The following JDP2 variants were observed in gnomAD, a reference collection of about 807,000 sequenced individuals.
JDP2 encodes progesterone receptor co-activator.
A neutral mutation model predicts 17.1 loss-of-function variants in JDP2; 9 were observed. The observed-to-expected ratio is 0.53, with a 90% CI of 0.32 to 0.92. The LOEUF (loss-of-function observed/expected upper bound fraction) is 0.92, where lower values mean the gene tolerates loss of function less well. Among genes scored for constraint, JDP2 ranks in the 40% least tolerant of loss-of-function variants. The pLI is 0.04. For synonymous variants in JDP2, 107 were observed against 95.6 expected (o/e 1.12, Z -0.69); for missense variants, 179 against 220.0 (o/e 0.81, Z 1.18).
intron 2 of JDP2, among the ~76,000 whole-genome samples, chr14:75,438,630 G>A (rs116547540): frequency 0.012 from 1,893 of 152,280 alleles, 42 homozygotes; most frequent in East Asian, 0.035. Flanking sequence ...GAAGAGTAGC[G>A]TGGCCTCCCT....
chr14:75,440,037 T>A (rs1025511725), intron 2 of JDP2, among the ~76,000 whole-genome samples: 1 of 152,200 alleles, frequency 6.6e-6, no homozygotes, highest in Non-Finnish European at 1.5e-5. Context: ...TTATTTTTTA[T>A]TTTTGGAAAA....
At chr14:75,465,427 G>T (rs1352812957) in intron 3 of JDP2, among the ~76,000 whole-genome samples, 2 of 152,104 alleles carry the variant, frequency 1.3e-5, no homozygotes, top group Non-Finnish European at 1.5e-5. Flanking sequence ...GTACTCCCAG[G>T]CTCAAGTGAT....
intron 2 of JDP2, among the ~76,000 whole-genome samples, chr14:75,441,795 C>T (rs1885364540): frequency 6.6e-6 from 1 of 152,222 alleles, no homozygotes; most frequent in African/African-American, 2.4e-5. Context: ...GACTTTTCCT[C>T]TGTAGCCCCT....
chr14:75,436,127 C>T (rs1369133974), intron 1 of JDP2, among the ~76,000 whole-genome samples: 1 of 152,208 alleles, frequency 6.6e-6, no homozygotes, highest in Non-Finnish European at 1.5e-5. Context: ...GACAGGGAAC[C>T]AAATTTCACC....
chr14:75,448,586 A>AG (rs1885714130), intron 2 of JDP2, among the ~76,000 whole-genome samples: 1 of 152,206 alleles, frequency 6.6e-6, no homozygotes, highest in Non-Finnish European at 1.5e-5. Flanking sequence ...AATCTGTGTA[A>AG]GGCAGGGGTT....
intron 2 of JDP2, among the ~76,000 whole-genome samples, chr14:75,455,962 G>A (rs866896234): frequency 6.6e-5 from 10 of 152,134 alleles, no homozygotes; most frequent in Non-Finnish European, 1.0e-4. Flanking sequence ...CTTTCTCAGC[G>A]GTTTTAGGAA....
chr14:75,454,832 G>A (rs1446661025), intron 2 of JDP2, among the ~76,000 whole-genome samples: 1 of 152,050 alleles, frequency 6.6e-6, no homozygotes, highest in Non-Finnish European at 1.5e-5. Context: ...GGAGGGCGAT[G>A]TAGTGGAAGG....
At chr14:75,436,351 G>C (rs1281394225) in intron 1 of JDP2, among the ~76,000 whole-genome samples, 1 of 152,208 alleles carries the variant, frequency 6.6e-6, no homozygotes, top group Non-Finnish European at 1.5e-5. Flanking sequence ...AGTATTGTCC[G>C]ATGGACATCA....
intron 2 of JDP2, among the ~76,000 whole-genome samples, chr14:75,438,803 C>T (rs533334374): frequency 2.0e-5 from 3 of 152,344 alleles, no homozygotes; most frequent in Admixed American, 6.5e-5. Flanking sequence ...CCCTTTTTCT[C>T]GGGGCACTGG....
Position 75,469,745 on chromosome 14 carries a change from G to A in JDP2, c.*270G>A. 2.4e-6 allele frequency: 1 copy of A among 423,806 alleles called. No individual in the cohort carries two copies. Among genetic ancestry groups the A allele is most frequent in the Non-Finnish European group, 4.3e-6 (1 of 233,616 alleles). The allele number at this position is 423,806 out of a possible 1,614,324, so 26.3% of individuals were successfully genotyped here. On this transcript the variant is annotated 3_prime_UTR_variant, in exon 4 of 4. Coordinates refer to ENST00000651602, the MANE Select transcript of JDP2 (RefSeq NM_001135048.2). ...GTCCTGCCTGGGGCCCCACTTGAAG[G>A]AGGCAGGACAGAGGCACCGAGGCCA... is the stretch of plus-strand genomic sequence containing the variant.
At chr14:75,453,036 G>T (rs1404818836) in intron 2 of JDP2, among the ~76,000 whole-genome samples, 4 of 152,166 alleles carry the variant, frequency 2.6e-5, no homozygotes, top group African/African-American at 9.7e-5. Flanking sequence ...GCTGCCGGGG[G>T]TCAGCAAGGG....
chr14:75,430,306 C>T lies in JDP2; in HGVS notation c.-24+2054C>T, dbSNP rs1019006627. Among the ~76,000 whole-genome samples the T allele has an allele frequency of 6.6e-6, 1 of 152,166 alleles. No homozygotes were observed. Among genetic ancestry groups the T allele is most frequent in the African/African-American group, 2.4e-5 (1 of 41,440 alleles). The stretch of plus-strand genomic sequence containing the variant: ...AAAGGGGCCAACGCCGACTCTAGGC[C>T]GGCCTGCTCTGTATTCATTCAGCTC... On this transcript the variant is annotated intron_variant, in intron 1 of 3. Transcript: ENST00000651602. This position sits in a 1 kb window ranked among gnomAD's most constrained non-coding sequence, Gnocchi z 4.5.
intron 2 of JDP2, among the ~76,000 whole-genome samples, chr14:75,449,022 G>T (rs967530660): frequency 6.6e-6 from 1 of 152,176 alleles, no homozygotes; most frequent in Non-Finnish European, 1.5e-5. Context: ...TGAACGGTTT[G>T]GCCCTTTCAC....
chr14:75,438,096 A>G lies in JDP2; in HGVS notation c.176A>G (p.Lys59Arg). ...CACTTCCTGGAGGTGAAACTGGGCA[A>G]GAGGCCCCAGCCCGTGAAAAGTGAG... ...PLHFLEVKLG[K>R]RPQPVKSELD... The change falls in exon 2 of 4, where the codon AAG (lysine) becomes AGG (arginine). Residue 59 changes from lysine to arginine, a missense_variant. Lys to Arg is a conservative substitution (Grantham distance 26, BLOSUM62 2). Coordinates refer to ENST00000651602, the MANE Select transcript of JDP2 (RefSeq NM_001135048.2). The G allele has an allele frequency of 6.2e-7, 1 of 1,612,656 alleles. No individual in the cohort carries two copies. The highest frequency in any genetic ancestry group is 1.1e-5 in the South Asian group (1 of 90,888).
chr14:75,456,113 C>G (rs1886092597), intron 2 of JDP2, among the ~76,000 whole-genome samples: 1 of 152,192 alleles, frequency 6.6e-6, no homozygotes, highest in Non-Finnish European at 1.5e-5. Flanking sequence ...GAAACCTTCT[C>G]AAACTCCCTT....
intron 2 of JDP2, among the ~76,000 whole-genome samples, chr14:75,454,634 G>T (rs1886018458): frequency 6.6e-6 from 1 of 152,148 alleles, no homozygotes; most frequent in Non-Finnish European, 1.5e-5. Flanking sequence ...ATGTGAAAAA[G>T]ATAAGTGCTG....
At chr14:75,467,752 A>T (rs903272892) in intron 3 of JDP2, among the ~76,000 whole-genome samples, 14 of 151,982 alleles carry the variant, frequency 9.2e-5, no homozygotes, top group Admixed American at 9.2e-4. Flanking sequence ...GCCCTCCGAG[A>T]TGCGCCTCTC....
In JDP2 at chr14:75,470,225, A is replaced by AAT. The variant is rs1197945800; in HGVS notation, c.*759_*760dup. On this transcript the variant is annotated 3_prime_UTR_variant, in exon 4 of 4. Coordinates refer to ENST00000651602, the MANE Select transcript of JDP2 (RefSeq NM_001135048.2). ...ACAAAAAAAAAGATTTTATACAAGC[A>AAT]ATATATATATGGATTTCTATAATCA... 6.6e-6 allele frequency: 1 copy of AAT among 151,026 alleles called. No homozygotes were observed. Among genetic ancestry groups the AAT allele is most frequent in the African/African-American group, 2.4e-5 (1 of 40,968 alleles). 9.4% of individuals were successfully genotyped at this position (151,026 alleles called of 1,614,324 possible). A position where few individuals can be genotyped will look rare whatever the true frequency, so the allele number is the denominator to read the frequency against.
At chr14:75,432,959 T>C (rs1342403661) in intron 1 of JDP2, among the ~76,000 whole-genome samples, 1 of 151,738 alleles carries the variant, frequency 6.6e-6, no homozygotes, top group East Asian at 1.9e-4. Context: ...CCCAGCACTT[T>C]GGGAGGCTGA....
Sources: gnomAD v4.1 joint callset for allele counts (sites outside exome capture counted in the v4.1 genomes callset) on GRCh38, gnomAD v4.1.1 for gene constraint, Gnocchi (gnomAD v3.1) non-coding constraint, MANE v1.5 for transcripts, NCBI Gene and HGNC (gene_info 2026-07-23, HGNC 2026-07-21) for gene names.